MYCBPAP: variants seen among roughly 807,000 people sequenced by gnomAD.
MYCBPAP encodes MYCBP-associated protein.
Under a neutral mutation model 106.1 loss-of-function variants are expected in MYCBPAP, and 60 were observed. The observed-to-expected ratio is 0.57, with a 90% CI of 0.46 to 0.70. The LOEUF (loss-of-function observed/expected upper bound fraction) is 0.70, where lower values mean the gene tolerates loss of function less well. Among genes scored for constraint, MYCBPAP ranks in the 30% least tolerant of loss-of-function variants. The pLI is 0.00. For synonymous variants in MYCBPAP, 407 were observed against 440.6 expected (o/e 0.92, Z 0.95); for missense variants, 1,064 against 1,169.3 (o/e 0.91, Z 1.31).
Position 50,518,635 on chromosome 17 carries a change from C to G in MYCBPAP, c.563C>G (p.Pro188Arg). The stretch of plus-strand genomic sequence containing the variant: ...AAAGCCCCAAAAGAAGAGAAGAGAC[C>G]TCCCTGGGCCCCACCTCCTCAGCAC... ...KQKAPKEEKR[P>R]PWAPPPQHNF... The change falls in exon 5 of 19, where the codon CCT becomes CGT. Residue 188 changes from proline (P) to arginine (R), a missense_variant. Physicochemically the swap from Pro to Arg is moderately radical, Grantham distance 103. Transcript: ENST00000323776. The G allele has an allele frequency of 6.2e-7, 1 of 1,610,738 alleles. No homozygotes were observed. Among genetic ancestry groups the G allele is most frequent in the South Asian group, 1.1e-5 (1 of 90,614 alleles).
chr17:50,526,017 T>A lies in MYCBPAP; in HGVS notation c.1919T>A (p.Val640Glu), dbSNP rs1397379476. 2.5e-6 allele frequency: 4 copies of A among 1,613,866 alleles called. No individual in the cohort carries two copies. The change falls in exon 14 of 19, where the codon GTG (valine) becomes GAG (glutamate). Residue 640 changes from valine (V) to glutamate (E), a missense_variant. Coordinates refer to ENST00000323776, the MANE Select transcript of MYCBPAP (RefSeq NM_032133.6). ...VSPIATEKASVNAELLPRFRS... is the reference protein window; with the variant it reads ...VSPIATEKASENAELLPRFRS... Reference sequence around the variant, plus strand: ...CCCATAGCCACAGAGAAGGCCTCTGTGAATGCTGAGCTGTTACCACGCTTT... The same window carrying A: ...CCCATAGCCACAGAGAAGGCCTCTGAGAATGCTGAGCTGTTACCACGCTTT...
chr17:50,521,145 A>C lies in MYCBPAP; in HGVS notation c.952A>C (p.Thr318Pro). ...CCAGAGGGACGCTTCATACCGCTAC[A>C]CCTGGGATCGGAGTCTGTTTCTGAT... ...PAQRDASYRY[T>P]WDRSLFLIYR... The change falls in exon 8 of 19, where the codon ACC becomes CCC. Residue 318 changes from threonine (T) to proline (P), a missense_variant. By Grantham distance (38) the Thr-to-Pro change is conservative. Coordinates refer to ENST00000323776, the MANE Select transcript of MYCBPAP (RefSeq NM_032133.6). 1 of 1,613,628 alleles carries C rather than the reference A, an allele frequency of 6.2e-7. No homozygotes were observed. The highest frequency in any genetic ancestry group is 8.5e-7 in the Non-Finnish European group (1 of 1,179,924).
intron 6 of MYCBPAP, chr17:50,519,395 T>C: frequency 1.7e-6 from 1 of 577,366 alleles, no homozygotes; most frequent in South Asian, 2.2e-5. Context: ...GTCCCCCACC[T>C]TTTTTTCTGG....
In MYCBPAP at chr17:50,508,557, C is replaced by T. The variant is rs1450577364; in HGVS notation, c.-118C>T. The T allele has an allele frequency of 1.3e-6, 2 of 1,544,472 alleles. No homozygotes were observed. Among genetic ancestry groups the T allele is most frequent in the East Asian group, 2.5e-5 (1 of 40,720 alleles). ...AAGTTGATCGGTGGATGCGCGCCCC[C>T]GCGCGGGGCACCGGTTGCTGTGGAC... is the stretch of plus-strand genomic sequence containing the variant. On this transcript the variant is annotated 5_prime_UTR_variant, in exon 1 of 19. Coordinates refer to ENST00000323776, the MANE Select transcript of MYCBPAP (RefSeq NM_032133.6).
At chr17:50,525,085 G>C (rs781357622) in intron 13 of MYCBPAP, 62 bp downstream of exon 13, 19 of 1,555,596 alleles carry the variant, frequency 1.2e-5, no homozygotes, top group Non-Finnish European at 1.6e-5. Context: ...TCCCCAACCC[G>C]CAGGCCGCAC....
chr17:50,523,834 G>A (rs79912286), intron 12 of MYCBPAP, 50 bp downstream of exon 12: 19,014 of 1,550,196 alleles, frequency 0.012, 184 homozygotes, highest in Middle Eastern at 0.018. Context: ...AGGGTATCCT[G>A]GTGTTCTTCC....
rs1478528129 is a variant in MYCBPAP, at chr17:50,523,928, C to A, written c.1635+144C>A. The A allele has an allele frequency of 6.0e-6, 5 of 827,590 alleles. No homozygotes were observed. The East Asian group carries it at 8.1e-5, about 13-fold the overall frequency. The allele number at this position is 827,590 out of a possible 1,614,324, so 51.3% of individuals were successfully genotyped here. ...CAAACAGGTAACTACTCTTGCTCCA[C>A]AAACACTTCCCAGGGCTTGTGATTT... On this transcript the variant is annotated intron_variant, in intron 12 of 18. Coordinates refer to ENST00000323776, the MANE Select transcript of MYCBPAP (RefSeq NM_032133.6).
intron 11 of MYCBPAP, 85 bp downstream of exon 11, chr17:50,523,213 C>T (rs1302454991): frequency 7.3e-7 from 1 of 1,373,518 alleles, no homozygotes; most frequent in African/African-American, 1.4e-5. Flanking sequence ...TAGTTATGGC[C>T]CAGCTCCTGT....
Position 50,531,428 on chromosome 17 carries a change from ACT to A in MYCBPAP, c.*4_*5del. 1.9e-6 allele frequency: 3 copies of A among 1,603,230 alleles called. No individual in the cohort carries two copies. The highest frequency in any genetic ancestry group is 2.6e-6 in the Non-Finnish European group (3 of 1,176,144). The stretch of plus-strand genomic sequence containing the variant: ...AGGAGGCTTTGCGCCTCTGCAGGTG[ACT>A]CTCGGGCCCAAGCAACCTTCTGGAA... On this transcript the variant is annotated 3_prime_UTR_variant, in exon 19 of 19. Coordinates refer to ENST00000323776, the MANE Select transcript of MYCBPAP (RefSeq NM_032133.6).
Position 50,528,857 on chromosome 17 carries a change from T to G in MYCBPAP, c.2553+17T>G. The G allele has an allele frequency of 1.2e-6, 2 of 1,611,918 alleles. No homozygotes were observed. The highest frequency in any genetic ancestry group is 1.7e-6 in the Non-Finnish European group (2 of 1,179,816). On this transcript the variant is annotated intron_variant, in intron 17 of 18. Coordinates refer to ENST00000323776, the MANE Select transcript of MYCBPAP (RefSeq NM_032133.6). ...GGGAAAGAGGCATGCTGGGGCGTGGTCTGGGCCAGGTGGGGCTGGGGAGGG... is the reference window on the plus strand; with the variant it reads ...GGGAAAGAGGCATGCTGGGGCGTGGGCTGGGCCAGGTGGGGCTGGGGAGGG...
At chr17:50,531,250 T>C (rs906873334) in intron 18 of MYCBPAP, 77 bp from the exon 19 acceptor site, 3 of 832,060 alleles carry the variant, frequency 3.6e-6, no homozygotes, top group Non-Finnish European at 5.4e-6. Flanking sequence ...TCTCCAGCTA[T>C]TCTCTCACAG....
chr17:50,514,998 G>C (rs1274504892), intron 1 of MYCBPAP: 5 of 353,968 alleles, frequency 1.4e-5, no homozygotes. Flanking sequence ...GGCGGCTGCT[G>C]CTGTCTCTGG....
intron 2 of MYCBPAP, 73 bp from the exon 3 acceptor site, chr17:50,517,220 A>G: frequency 2.1e-6 from 3 of 1,418,348 alleles, no homozygotes; most frequent in Non-Finnish European, 2.0e-6. Flanking sequence ...CCAGAACTAG[A>G]ACAGAAGAGA....
At position 50,522,726 on chromosome 17, in the gene MYCBPAP, T is replaced by TATATATATA. The variant is rs56247158; in HGVS notation, c.1258-213_1258-212insATATATATA. ...AAAAAAAAAATATATATATATATATTTGTTTTATCTTCTCTTCTTGCTATT... is the reference window on the plus strand; with the variant it reads ...AAAAAAAAAATATATATATATATATTATATATATATGTTTTATCTTCTCTTCTTGCTATT... On this transcript the variant is annotated intron_variant, in intron 10 of 18. Transcript: ENST00000323776. 5.1e-3 allele frequency: 333 copies of TATATATATA among 64,752 alleles called. 30 individuals carry two copies. Among genetic ancestry groups the TATATATATA allele is most frequent in the East Asian group, 0.015 (19 of 1,238 alleles). 4.0% of individuals were successfully genotyped at this position (64,752 alleles called of 1,614,324 possible). A position where few individuals can be genotyped will look rare whatever the true frequency, so the allele number is the denominator to read the frequency against.
At chr17:50,530,497 CA>C (rs10526790) in intron 18 of MYCBPAP, among the ~76,000 whole-genome samples, 2 of 105,860 alleles carry the variant, frequency 1.9e-5, no homozygotes, top group Non-Finnish European at 1.8e-5. Context: ...CTCTTACCTC[CA>C]AAAAAAAAGA....
intron 1 of MYCBPAP, among the ~76,000 whole-genome samples, chr17:50,515,283 AGTCTGTTTCACG>A: frequency 6.6e-6 from 1 of 151,326 alleles, no homozygotes; most frequent in African/African-American, 2.4e-5. Flanking sequence ...ACTCTGGCTC[AGTCTGTTTCACG>A]GTCTTGTTTC....
intron 14 of MYCBPAP, 109 bp from the exon 15 acceptor site, chr17:50,527,177 TC>T: frequency 6.7e-7 from 1 of 1,482,746 alleles, no homozygotes; most frequent in Non-Finnish European, 9.2e-7. Context: ...CATAGCTGCA[TC>T]CCCTCCTGGT....
rs755006952 is a variant in MYCBPAP, at chr17:50,525,854, C to T, written c.1783-27C>T. The stretch of plus-strand genomic sequence containing the variant: ...GGGGCCTGCACCCCAGCCTCCCCCT[C>T]ACATGCCTTCCCATCCTCTGCTGCA... On this transcript the variant is annotated intron_variant, in intron 13 of 18. Transcript: ENST00000323776. The T allele has an allele frequency of 2.3e-5, 36 of 1,562,832 alleles. No individual in the cohort carries two copies. In the Middle Eastern group the frequency reaches 1.1e-3, roughly 48 times the overall value.
At chr17:50,512,290 G>A (rs543721218) in intron 1 of MYCBPAP, among the ~76,000 whole-genome samples, 56 of 152,134 alleles carry the variant, frequency 3.7e-4, no homozygotes, top group African/African-American at 1.3e-3. Flanking sequence ...TCCTGACTTC[G>A]TGATCCACCT....
Sources: gnomAD v4.1 joint callset for allele counts (sites outside exome capture counted in the v4.1 genomes callset) on GRCh38, gnomAD v4.1.1 for gene constraint, MANE v1.5 for transcripts, NCBI Gene and HGNC (gene_info 2026-07-23, HGNC 2026-07-21) for gene names.